HECTD4: variants seen among roughly 807,000 people sequenced by gnomAD.
HECTD4 encodes HECT domain E3 ubiquitin protein ligase 4.
HECTD4 carries 114 observed loss-of-function variants against 471.5 expected under a neutral mutation model. The observed-to-expected ratio is 0.24, with a 90% confidence interval of 0.21 to 0.28. The LOEUF (loss-of-function observed/expected upper bound fraction) is 0.28, where lower values mean the gene tolerates loss of function less well. Among genes scored for constraint, HECTD4 ranks in the 10% least tolerant of loss-of-function variants. The pLI is 1.00. For missense variants in HECTD4, 3,866 were observed against 5,651.5 expected, an observed-to-expected ratio of 0.68 and a Z score of 10.13; for synonymous variants, 2,012 against 2,256.0, an observed-to-expected ratio of 0.89 and a Z score of 3.07.
chr12:112,248,154 T>G lies in HECTD4; in HGVS notation c.4161A>C (p.Glu1387Asp). The change falls in exon 27 of 76, where the codon GAA becomes GAC. Residue 1387 changes from glutamate (E) to aspartate (D), a missense_variant. By Grantham distance (45) the Glu-to-Asp change is conservative (BLOSUM62 2). Coordinates refer to ENST00000682272, the MANE Select transcript of HECTD4 (RefSeq NM_001388303.1). ...CATCAACTTCACTTTGCCATTTTTGTTCCAGTTCTGCAACACTCTAATAAA... is the reference window on the plus strand; with the variant it reads ...CATCAACTTCACTTTGCCATTTTTGGTCCAGTTCTGCAACACTCTAATAAA... ...ERQLQSVAELEQKWQSEVDDA... is the reference protein window; with the variant it reads ...ERQLQSVAELDQKWQSEVDDA... 1 of 1,613,242 alleles carries G rather than the reference T, an allele frequency of 6.2e-7. No individual in the cohort carries two copies. The highest frequency in any genetic ancestry group is 8.5e-7 in the Non-Finnish European group (1 of 1,179,506).
chr12:112,247,181 A>G lies in HECTD4; in HGVS notation c.4338-105T>C. On this transcript the variant is annotated intron_variant, in intron 28 of 75. Coordinates refer to ENST00000682272, the MANE Select transcript of HECTD4 (RefSeq NM_001388303.1). ...ATAAGAGAAGACACAGGGGAAACTA[A>G]GCAAAAGTAACCTAATCAACATTGC... is the stretch of plus-strand genomic sequence containing the variant. The G allele has an allele frequency of 2.2e-6, 2 of 925,612 alleles. 1 individual carries two copies. 57.3% of individuals were successfully genotyped at this position (925,612 alleles called of 1,614,324 possible).
intron 1 of HECTD4, among the ~76,000 whole-genome samples, chr12:112,330,859 T>C (rs2035832627): frequency 6.6e-6 from 1 of 152,182 alleles, no homozygotes; most frequent in South Asian, 2.1e-4. Flanking sequence ...CTCTTCCACA[T>C]AAGAACCTTT....
In HECTD4 at chr12:112,193,595, C is replaced by G. The variant is rs145164974; in HGVS notation, c.8829G>C (p.Thr2943=). 6.2e-7 allele frequency: 1 copy of G among 1,613,034 alleles called. No individual in the cohort carries two copies. The highest frequency in any genetic ancestry group is 1.1e-5 in the South Asian group (1 of 90,700). The stretch of plus-strand genomic sequence containing the variant: ...GGGAGTTGCCCTGGTAAAAGAGGTC[C>G]GTGGCGGAGCAGTTCTGGGAATGGA... ...HCIHSQNCSA[T]DLFYQGNSQT... The change falls in exon 57 of 76, where the codon ACG becomes ACC. Residue 2943 remains threonine, a synonymous_variant. Transcript: ENST00000682272. The surrounding 1 kb of genome is among the most constrained non-coding windows in gnomAD (Gnocchi z 5.2).
At chr12:112,253,985 T>C in intron 22 of HECTD4, 58 bp downstream of exon 22, 2 of 1,589,454 alleles carry the variant, frequency 1.3e-6, no homozygotes, top group Non-Finnish European at 1.7e-6. Context: ...TACTTGGACC[T>C]GTGAGGACTG....
rs551480832 is a variant in HECTD4, at chr12:112,371,942, A to C, written c.177+10010T>G. ...AAATTCCGCAGGGATCACCAACCAA[A>C]CAAACAAACAAAAAACGATTCCACT... On this transcript the variant is annotated intron_variant, in intron 1 of 75. Coordinates refer to ENST00000682272, the MANE Select transcript of HECTD4 (RefSeq NM_001388303.1). Among the ~76,000 whole-genome samples, 145 of 140,070 alleles carry C rather than the reference A, an allele frequency of 1.0e-3. 2 individuals carry two copies. In the South Asian group the frequency reaches 0.016, roughly 15 times the overall value. The allele number at this position is 140,070 out of a possible 152,430, so 91.9% of individuals were successfully genotyped here.
At chr12:112,212,773 G>T in intron 48 of HECTD4, 123 bp from the exon 49 acceptor site, 2 of 666,234 alleles carry the variant, frequency 3.0e-6, no homozygotes, top group Non-Finnish European at 2.4e-6. Flanking sequence ...CTTCTGAAAT[G>T]GACATGAAGT....
At chr12:112,175,700 CA>C in intron 66 of HECTD4, 35 bp downstream of exon 66, 1 of 1,598,680 alleles carries the variant, frequency 6.3e-7, no homozygotes, top group Non-Finnish European at 8.5e-7. Context: ...AATTTCTATG[CA>C]AGGTGCCAAC....
At chr12:112,217,356 CA>C (rs2032952783) in intron 45 of HECTD4, among the ~76,000 whole-genome samples, 161 bp from the exon 46 acceptor site, 1 of 148,436 alleles carries the variant, frequency 6.7e-6, no homozygotes, top group Non-Finnish European at 1.5e-5. Flanking sequence ...CACACACACA[CA>C]ATTTATTTAT....
intron 17 of HECTD4, 95 bp downstream of exon 17, chr12:112,263,989 G>A (rs1346944939): frequency 2.3e-5 from 27 of 1,190,538 alleles, no homozygotes; most frequent in Non-Finnish European, 2.8e-5. Flanking sequence ...AAGCCACAAG[G>A]TGAATTCTGA....
At chr12:112,255,268 C>G (rs1314919581) in intron 21 of HECTD4, among the ~76,000 whole-genome samples, 2 of 152,118 alleles carry the variant, frequency 1.3e-5, no homozygotes, top group African/African-American at 4.8e-5. Context: ...GTAGCCAATG[C>G]CAGGAGCTAT....
rs774262317 is a variant in HECTD4 at position 112,184,454 on chromosome 12, G to A, written c.10512C>T (p.Val3504=). ...GCAGCGGATCCACAGAGAGGTCGCT[G>A]ACGGTTTGGGAGATGCCCTGCGAGC... ...ICSSQGISQT[V]SDLSVDPLPA... is the part of the protein sequence containing the mutation. Residue 3504 remains valine, a synonymous_variant, in exon 61 of 76, where the codon GTC becomes GTT. Coordinates refer to ENST00000682272, the MANE Select transcript of HECTD4 (RefSeq NM_001388303.1). This position sits in a 1 kb window ranked among gnomAD's most constrained non-coding sequence, Gnocchi z 9.1. 7.3e-5 allele frequency: 117 copies of A among 1,605,554 alleles called. 1 individual carries two copies. In the South Asian group the frequency reaches 1.2e-3, roughly 17 times the overall value.
rs2035047703 is a variant in HECTD4 at position 112,297,076 on chromosome 12, T to C, written c.1335+8988A>G. 4.5e-5 allele frequency among the ~76,000 whole-genome samples: 4 copies of C among 88,670 alleles called. No individual in the cohort carries two copies. In the South Asian group the frequency reaches 1.9e-3, roughly 42 times the overall value. 58.2% of individuals were successfully genotyped at this position (88,670 alleles called of 152,430 possible). On this transcript the variant is annotated intron_variant, in intron 7 of 75. Coordinates refer to ENST00000682272, the MANE Select transcript of HECTD4 (RefSeq NM_001388303.1). ...GCAGATGGTGTAGGTGTAGATGGTG[T>C]AGGTGTATGGATGTAGGTGCAGAGG... is the stretch of plus-strand genomic sequence containing the variant.
chr12:112,163,333 G>A lies in HECTD4; in HGVS notation c.12898-69C>T. 7.0e-7 allele frequency: 1 copy of A among 1,431,490 alleles called. No homozygotes were observed. The highest frequency in any genetic ancestry group is 1.4e-5 in the African/African-American group (1 of 71,026). The allele number at this position is 1,431,490 out of a possible 1,614,324, so 88.7% of individuals were successfully genotyped here. A position where few individuals can be genotyped will look rare whatever the true frequency, so the allele number is the denominator to read the frequency against. On this transcript the variant is annotated intron_variant, in intron 74 of 75. Transcript: ENST00000682272. This position sits in a 1 kb window ranked among gnomAD's most constrained non-coding sequence, Gnocchi z 8.2. ...CTACCCAGTGCCTCCCCAGCCCTGG[G>A]GTCTGCAGGCCAGGCCCAATCCTGG...
Position 112,162,543 on chromosome 12 carries a change from C to T in HECTD4, c.13121-20G>A, listed in dbSNP as rs749614514. 1 of 1,613,850 alleles carries T rather than the reference C, an allele frequency of 6.2e-7. No individual in the cohort carries two copies. The highest frequency in any genetic ancestry group is 8.5e-7 in the Non-Finnish European group (1 of 1,179,844). On this transcript the variant is annotated intron_variant, in intron 75 of 75. Coordinates refer to ENST00000682272, the MANE Select transcript of HECTD4 (RefSeq NM_001388303.1). The surrounding 1 kb of genome is among the most constrained non-coding windows in gnomAD (Gnocchi z 5.2). Reference sequence around the variant, plus strand: ...GGGAACCTACAAGAAACCGAGCCAGCATCAGAGGGTTGGGCCCACATCTGT... The same window carrying T: ...GGGAACCTACAAGAAACCGAGCCAGTATCAGAGGGTTGGGCCCACATCTGT...
chr12:112,258,341 A>C, intron 20 of HECTD4, 155 bp downstream of exon 20: 1 of 470,916 alleles, frequency 2.1e-6, no homozygotes, highest in Non-Finnish European at 3.7e-6. Flanking sequence ...AAATCTACAA[A>C]GCAATGCTAC....
chr12:112,208,686 T>C, intron 50 of HECTD4, 56 bp from the exon 51 acceptor site: 3 of 1,480,824 alleles, frequency 2.0e-6, no homozygotes, highest in Non-Finnish European at 2.7e-6. Context: ...AGAAAAATCC[T>C]TAACTTCTCA....
chr12:112,248,002 A>T, intron 27 of HECTD4, 65 bp downstream of exon 27: 1 of 1,132,110 alleles, frequency 8.8e-7, no homozygotes, highest in Non-Finnish European at 1.3e-6. Context: ...ACACACACAC[A>T]CACAGTATAT....
intron 1 of HECTD4, among the ~76,000 whole-genome samples, chr12:112,342,017 A>C (rs1040204533): frequency 1.3e-5 from 2 of 152,218 alleles, no homozygotes; most frequent in African/African-American, 4.8e-5. Context: ...AGAGAGCCTA[A>C]ATTGGCTCAT....
intron 61 of HECTD4, 102 bp from the exon 62 acceptor site, chr12:112,183,368 T>C: frequency 1.1e-6 from 1 of 925,088 alleles, no homozygotes; most frequent in African/African-American, 1.6e-5. Flanking sequence ...CCTCTATTCA[T>C]CTGCAGAGAT....
Sources: allele counts gnomAD v4.1 joint callset (sites outside exome capture counted in the v4.1 genomes callset), GRCh38; gene constraint gnomAD v4.1.1; non-coding constraint Gnocchi (gnomAD v3.1); transcripts MANE v1.5; gene names NCBI Gene and HGNC (gene_info 2026-07-23, HGNC 2026-07-21).